PHKB: variants seen among roughly 807,000 people sequenced by gnomAD.
PHKB encodes phosphorylase b kinase regulatory subunit beta.
A neutral mutation model predicts 152.1 loss-of-function variants in PHKB; 122 were observed. The observed-to-expected ratio is 0.80, with a 90% confidence interval of 0.69 to 0.93. The LOEUF (loss-of-function observed/expected upper bound fraction) is 0.93, where lower values mean the gene tolerates loss of function less well. Among genes scored for constraint, PHKB ranks in the 40% least tolerant of loss-of-function variants. The pLI, the probability that PHKB is intolerant of heterozygous loss-of-function variation, is 0.00. For synonymous variants in PHKB, 436 were observed against 464.9 expected (o/e 0.94, Z 0.80); for missense variants, 1,304 against 1,328.4 (o/e 0.98, Z 0.29).
At chr16:47,651,965 G>A (rs759275980) in intron 20 of PHKB, among the ~76,000 whole-genome samples, 2 of 151,926 alleles carry the variant, frequency 1.3e-5, no homozygotes, top group African/African-American at 2.4e-5. Context: ...ATTTTTCATA[G>A]TATTCTGTCC....
chr16:47,698,231 A>G (rs529000960), intron 29 of PHKB, among the ~76,000 whole-genome samples: 26 of 152,334 alleles, frequency 1.7e-4, no homozygotes, highest in African/African-American at 5.8e-4. Context: ...TGATGAAAAA[A>G]CATTTCTAGG....
intron 14 of PHKB, among the ~76,000 whole-genome samples, chr16:47,624,987 A>G (rs550225153): frequency 6.6e-6 from 1 of 152,338 alleles, no homozygotes; most frequent in African/African-American, 2.4e-5. Context: ...TAAACCCTGT[A>G]AAAGCATAGA....
chr16:47,580,477 C>G (rs1419923863), intron 8 of PHKB, 119 bp downstream of exon 8: 1 of 750,544 alleles, frequency 1.3e-6, no homozygotes, highest in African/African-American at 1.8e-5. Flanking sequence ...TATGTAGAAG[C>G]TCATGCTTGA....
chr16:47,614,069 C>T (rs886458139), intron 14 of PHKB, among the ~76,000 whole-genome samples: 1 of 152,116 alleles, frequency 6.6e-6, no homozygotes, highest in Admixed American at 6.5e-5. Flanking sequence ...AAAGAGGTTC[C>T]ACAGGCTGTA....
intron 26 of PHKB, among the ~76,000 whole-genome samples, chr16:47,677,327 A>G (rs2142087678): frequency 6.6e-6 from 1 of 152,314 alleles, no homozygotes; most frequent in African/African-American, 2.4e-5. Context: ...ATATGAATCA[A>G]GCAAAAAAAG....
chr16:47,545,589 A>G (rs1971146922), intron 6 of PHKB, among the ~76,000 whole-genome samples: 1 of 152,090 alleles, frequency 6.6e-6, no homozygotes, highest in Non-Finnish European at 1.5e-5. Flanking sequence ...GCTCTTTTCG[A>G]GGAGTATCTT....
chr16:47,483,150 T>G (rs1969994169), intron 1 of PHKB, among the ~76,000 whole-genome samples: 1 of 148,314 alleles, frequency 6.7e-6, no homozygotes. Context: ...GCGATTCTCA[T>G]GCCTCAGCCT....
chr16:47,641,697 G>GGC lies in PHKB; in HGVS notation c.1608+5_1608+6insGC. Reference sequence around the variant, plus strand: ...CCTCAGCAGGAGCTTGTGAAAGTAAGTGATTCTGCCTTTTACTTTCCTTAC... The same window carrying GGC: ...CCTCAGCAGGAGCTTGTGAAAGTAAGGCTGATTCTGCCTTTTACTTTCCTTAC... On this transcript the variant is annotated splice_donor_region_variant and intron_variant, in intron 16 of 30. Transcript: ENST00000323584. 1 of 1,482,962 alleles carries GGC rather than the reference G, an allele frequency of 6.7e-7. No individual in the cohort carries two copies. Among genetic ancestry groups the GGC allele is most frequent in the Non-Finnish European group, 9.4e-7 (1 of 1,060,472 alleles). 91.9% of individuals were successfully genotyped at this position (1,482,962 alleles called of 1,614,324 possible). A position where few individuals can be genotyped will look rare whatever the true frequency, so the allele number is the denominator to read the frequency against.
In PHKB at chr16:47,699,601, A is replaced by G. The variant is rs2142114310; in HGVS notation, c.*235A>G. ...CATGATTATGCCAACTATAATAGTA[A>G]TCCTCACTGAGTGATAAAAATAGTT... On this transcript the variant is annotated 3_prime_UTR_variant, in exon 31 of 31. Transcript: ENST00000323584. 1 of 564,738 alleles carries G rather than the reference A, an allele frequency of 1.8e-6. No homozygotes were observed. The highest frequency in any genetic ancestry group is 2.0e-5 in the South Asian group (1 of 50,624). The allele number at this position is 564,738 out of a possible 1,614,324, so 35.0% of individuals were successfully genotyped here. A position where few individuals can be genotyped will look rare whatever the true frequency, so the allele number is the denominator to read the frequency against.
chr16:47,478,381 C>A (rs1969905126), intron 1 of PHKB, among the ~76,000 whole-genome samples: 1 of 151,902 alleles, frequency 6.6e-6, no homozygotes, highest in Admixed American at 6.6e-5. Context: ...CTTAGAAACC[C>A]CTTCATATTT....
intron 7 of PHKB, among the ~76,000 whole-genome samples, chr16:47,573,955 T>C (rs1235488249): frequency 6.6e-6 from 1 of 152,172 alleles, no homozygotes; most frequent in Non-Finnish European, 1.5e-5. Context: ...AGTCTTGCTC[T>C]GTTGCCCAAG....
intron 28 of PHKB, among the ~76,000 whole-genome samples, chr16:47,695,254 T>C (rs1974127893): frequency 6.6e-6 from 1 of 152,118 alleles, no homozygotes; most frequent in African/African-American, 2.4e-5. Context: ...AGTAGCTAGG[T>C]TGACTTTTTT....
chr16:47,690,711 C>T (rs774168840), intron 27 of PHKB, among the ~76,000 whole-genome samples: 2 of 151,954 alleles, frequency 1.3e-5, no homozygotes, highest in Non-Finnish European at 1.5e-5. Flanking sequence ...CCATTGTTGC[C>T]GGCAAAAACC....
At chr16:47,696,745 C>T (rs1191719061) in intron 29 of PHKB, among the ~76,000 whole-genome samples, 2 of 152,108 alleles carry the variant, frequency 1.3e-5, no homozygotes, top group African/African-American at 2.4e-5. Flanking sequence ...AAGGGAGAAC[C>T]GACCCCTGCT....
chr16:47,630,063 T>C (rs1050932959), intron 14 of PHKB, among the ~76,000 whole-genome samples: 13 of 152,114 alleles, frequency 8.5e-5, no homozygotes, highest in African/African-American at 3.1e-4. Context: ...ATGGGAGATA[T>C]ACCTAATGCT....
intron 6 of PHKB, among the ~76,000 whole-genome samples, chr16:47,542,724 T>A (rs1436864355): frequency 1.3e-5 from 2 of 152,236 alleles, no homozygotes; most frequent in African/African-American, 4.8e-5. Context: ...AGATCCCTTG[T>A]AAGTTGGATT....
At chr16:47,539,218 A>G (rs1231826925) in intron 6 of PHKB, among the ~76,000 whole-genome samples, 3 of 152,186 alleles carry the variant, frequency 2.0e-5, no homozygotes, top group Non-Finnish European at 2.9e-5. Flanking sequence ...GTTGGAGCCC[A>G]CTTCCACCTG....
At chr16:47,585,992 A>G (rs1043664873) in intron 8 of PHKB, among the ~76,000 whole-genome samples, 1 of 152,186 alleles carries the variant, frequency 6.6e-6, no homozygotes, top group East Asian at 1.9e-4. Flanking sequence ...GTGTATTCAT[A>G]GGCTCCTAAC....
At chr16:47,494,481 G>T (rs1277939840) in intron 1 of PHKB, among the ~76,000 whole-genome samples, 1 of 152,172 alleles carries the variant, frequency 6.6e-6, no homozygotes, top group African/African-American at 2.4e-5. Flanking sequence ...AAAAATGCCT[G>T]TAAACATGGC....
Sources: gnomAD v4.1 joint callset for allele counts (sites outside exome capture counted in the v4.1 genomes callset) on GRCh38, gnomAD v4.1.1 for gene constraint, MANE v1.5 for transcripts, NCBI Gene and HGNC (gene_info 2026-07-23, HGNC 2026-07-21) for gene names.